NSG2: variants seen among roughly 807,000 people sequenced by gnomAD.
NSG2 encodes the protein neuronal vesicle trafficking associated 2, also known as neuronal vesicle trafficking-associated protein 2.
Under a neutral mutation model 16.9 loss-of-function variants are expected in NSG2, and 4 were observed. The observed-to-expected ratio is 0.24, with a 90% CI of 0.12 to 0.54. NSG2 has a LOEUF of 0.54. Ranked by LOEUF, NSG2 falls within the 20% of genes least tolerant of loss-of-function variation. NSG2 has a pLI of 0.95. For synonymous variants in NSG2, 98 were observed against 88.7 expected (o/e 1.11, Z -0.59); for missense variants, 179 against 221.1 (o/e 0.81, Z 1.21).
rs559643917 is a variant in NSG2 at position 174,104,329 on chromosome 5, C to T, written c.315C>T (p.Phe105=). Residue 105 remains phenylalanine, a synonymous_variant, in exon 4 of 5, where the codon TTC becomes TTT. Coordinates refer to ENST00000303177, the MANE Select transcript of NSG2 (RefSeq NM_015980.5). ...FTYDHSCPEG[F]VYKHKRCIPA... is the part of the protein sequence containing the mutation. ...ATGATCACAGCTGCCCAGAGGGATT[C>T]GTCTATAAGGTAAGAGGTGGTTGAG... is the stretch of plus-strand genomic sequence containing the variant. 14 of 1,611,346 alleles carry T rather than the reference C, an allele frequency of 8.7e-6. No homozygotes were observed. Among genetic ancestry groups the T allele is most frequent in the African/African-American group, 8.0e-5 (6 of 74,946 alleles).
At chr5:174,103,439 A>G (rs10060659) in intron 3 of NSG2, among the ~76,000 whole-genome samples, 46,557 of 151,938 alleles carry the variant, frequency 0.31, 9,665 homozygotes, top group African/African-American at 0.59. Flanking sequence ...GGAGGAGAGC[A>G]GGAATCCTGT....
At chr5:174,063,817 A>G (rs185022335) in intron 2 of NSG2, among the ~76,000 whole-genome samples, 458 of 152,316 alleles carry the variant, frequency 3.0e-3, no homozygotes, top group Non-Finnish European at 5.5e-3. Flanking sequence ...CAGTACACAC[A>G]TGCAGTGAAA....
intron 4 of NSG2, among the ~76,000 whole-genome samples, chr5:174,105,317 C>T (rs1393703414): frequency 6.6e-6 from 1 of 152,096 alleles, no homozygotes; most frequent in Non-Finnish European, 1.5e-5. Flanking sequence ...CCAATCTGAC[C>T]GCCTCTAGCT....
intron 3 of NSG2, among the ~76,000 whole-genome samples, chr5:174,094,751 T>C (rs1436339285): frequency 6.6e-6 from 1 of 152,198 alleles, no homozygotes. Flanking sequence ...TTCATCCAAC[T>C]GGGTTCTTCC....
chr5:174,066,923 G>A (rs1343555885), intron 3 of NSG2, among the ~76,000 whole-genome samples: 3 of 141,916 alleles, frequency 2.1e-5, no homozygotes, highest in Non-Finnish European at 4.5e-5. Flanking sequence ...CCGGGAGGCG[G>A]AGCTTGCAGT....
At chr5:174,078,293 C>G (rs1372424379) in intron 3 of NSG2, among the ~76,000 whole-genome samples, 3 of 151,908 alleles carry the variant, frequency 2.0e-5, no homozygotes, top group Non-Finnish European at 2.9e-5. Flanking sequence ...CACACACACA[C>G]AGACACACAC....
intron 3 of NSG2, among the ~76,000 whole-genome samples, chr5:174,079,723 G>A (rs1365891602): frequency 1.3e-5 from 2 of 152,086 alleles, no homozygotes; most frequent in African/African-American, 2.4e-5. Context: ...TTTCTCCCTT[G>A]TTTGTTATTT....
At chr5:174,095,996 C>T (rs1013648649) in intron 3 of NSG2, among the ~76,000 whole-genome samples, 2 of 152,204 alleles carry the variant, frequency 1.3e-5, no homozygotes, top group Non-Finnish European at 2.9e-5. Context: ...AGATGCCTGG[C>T]TGGATTACTT....
intron 3 of NSG2, among the ~76,000 whole-genome samples, chr5:174,102,750 T>G (rs1437633147): frequency 1.1e-5 from 1 of 91,210 alleles, no homozygotes; most frequent in African/African-American, 6.4e-5. Flanking sequence ...CCATGCTTTG[T>G]TTTTTTTATT....
chr5:174,087,587 C>T (rs953771889), intron 3 of NSG2, among the ~76,000 whole-genome samples: 30 of 151,820 alleles, frequency 2.0e-4, no homozygotes, highest in Middle Eastern at 3.4e-3. Context: ...TGAGACCAGC[C>T]TGGGAAACAC....
chr5:174,074,263 C>T (rs1213101166), intron 3 of NSG2, among the ~76,000 whole-genome samples: 2 of 152,184 alleles, frequency 1.3e-5, no homozygotes, highest in East Asian at 3.9e-4. Flanking sequence ...TAGTGTGAGG[C>T]CTAAGTGAGG....
At chr5:174,079,416 C>G (rs1760408487) in intron 3 of NSG2, among the ~76,000 whole-genome samples, 1 of 152,228 alleles carries the variant, frequency 6.6e-6, no homozygotes, top group Non-Finnish European at 1.5e-5. Flanking sequence ...TGCCACCCCA[C>G]CTAGCTAATT....
At chr5:174,054,572 C>T (rs1002382761) in intron 2 of NSG2, among the ~76,000 whole-genome samples, 16 of 152,074 alleles carry the variant, frequency 1.1e-4, no homozygotes, top group Non-Finnish European at 1.5e-4. Context: ...TTTTAATAGA[C>T]GGGGCCTTGT....
rs1323106132 is a variant in NSG2 at position 174,107,816 on chromosome 5, A to G, written c.*311A>G. 1 of 537,614 alleles carries G rather than the reference A, an allele frequency of 1.9e-6. No individual in the cohort carries two copies. Among genetic ancestry groups the G allele is most frequent in the Non-Finnish European group, 3.5e-6 (1 of 283,176 alleles). The allele number at this position is 537,614 out of a possible 1,614,324, so 33.3% of individuals were successfully genotyped here. A position where few individuals can be genotyped will look rare whatever the true frequency, so the allele number is the denominator to read the frequency against. On this transcript the variant is annotated 3_prime_UTR_variant, in exon 5 of 5. Coordinates refer to ENST00000303177, the MANE Select transcript of NSG2 (RefSeq NM_015980.5). The surrounding 1 kb of genome is among the most constrained non-coding windows in gnomAD (Gnocchi z 4.5). ...GCTTATTCTTTGTTAGGAAAATGTAACAGCAGAAAAGGAAAGAAACAAAGA... is the reference window on the plus strand; with the variant it reads ...GCTTATTCTTTGTTAGGAAAATGTAGCAGCAGAAAAGGAAAGAAACAAAGA...
chr5:174,046,503 T>C (rs965055924), intron 1 of NSG2, among the ~76,000 whole-genome samples: 41 of 152,180 alleles, frequency 2.7e-4, no homozygotes, highest in African/African-American at 9.2e-4. Flanking sequence ...TTGAATTCCT[T>C]AAATTTGAGT....
intron 2 of NSG2, among the ~76,000 whole-genome samples, chr5:174,055,429 TA>T (rs35075574): frequency 0.24 from 35,923 of 148,754 alleles, 6,244 homozygotes; most frequent in African/African-American, 0.49. Context: ...CCATCTCTAC[TA>T]AAAAAAAAAT....
chr5:174,107,489 A>G lies in NSG2; in HGVS notation c.500A>G (p.Lys167Arg). The G allele has an allele frequency of 6.2e-7, 1 of 1,610,050 alleles. No homozygotes were observed. Among genetic ancestry groups the G allele is most frequent in the Admixed American group, 1.7e-5 (1 of 59,818 alleles). The change falls in exon 5 of 5, where the codon AAG (lysine) becomes AGG (arginine). Residue 167 changes from lysine to arginine, a missense_variant. Coordinates refer to ENST00000303177, the MANE Select transcript of NSG2 (RefSeq NM_015980.5). The surrounding 1 kb of genome is among the most constrained non-coding windows in gnomAD (Gnocchi z 4.5). ...GTCATCCATGAGCCCAAGCCGCCCA[A>G]GACCCAGGGCCACTAGAGGCCTGCC... ...AAVIHEPKPPKTQGH is the reference protein window; with the variant it reads ...AAVIHEPKPPRTQGH
intron 2 of NSG2, among the ~76,000 whole-genome samples, chr5:174,060,959 A>G (rs975564346): frequency 1.3e-5 from 2 of 152,194 alleles, no homozygotes; most frequent in Admixed American, 1.3e-4. Flanking sequence ...GGTCCAGCCC[A>G]CATCCTAAAG....
At chr5:174,063,568 A>AT (rs1554100657) in intron 2 of NSG2, among the ~76,000 whole-genome samples, 3 of 113,714 alleles carry the variant, frequency 2.6e-5, no homozygotes, top group Admixed American at 9.0e-5. Flanking sequence ...ATTTTATTTT[A>AT]TTTATTTACA....
Sources: gnomAD v4.1 joint callset for allele counts (sites outside exome capture counted in the v4.1 genomes callset) on GRCh38, gnomAD v4.1.1 for gene constraint, Gnocchi (gnomAD v3.1) non-coding constraint, MANE v1.5 for transcripts, NCBI Gene and HGNC (gene_info 2026-07-23, HGNC 2026-07-21) for gene names.